The following PGR variants were observed in gnomAD, a reference collection of about 807,000 sequenced individuals.
PGR encodes the protein nuclear receptor subfamily 3 group C member 3.
PGR carries 25 observed loss-of-function variants against 76.1 expected under a neutral mutation model. The ratio of observed to expected loss-of-function variants is 0.33; its 90% CI spans 0.24 to 0.46. The LOEUF (loss-of-function observed/expected upper bound fraction) is 0.46, where lower values mean the gene tolerates loss of function less well. Ranked by LOEUF, PGR falls within the 20% of genes least tolerant of loss-of-function variation. The pLI is 1.00. For synonymous variants in PGR, 579 were observed against 535.0 expected, an observed-to-expected ratio of 1.08 and a Z score of -1.14; for missense variants, 1,172 against 1,225.3, an observed-to-expected ratio of 0.96 and a Z score of 0.65.
chr11:101,043,781 G>A (rs1001609313), intron 6 of PGR, among the ~76,000 whole-genome samples: 7 of 152,160 alleles, frequency 4.6e-5, no homozygotes, highest in Non-Finnish European at 1.5e-5. Flanking sequence ...TTGTCAATGA[G>A]CAATAATATT....
chr11:101,127,213 A>G (rs940094303), intron 1 of PGR: 1 of 378,222 alleles, frequency 2.6e-6, no homozygotes, highest in East Asian at 3.9e-5. Context: ...CGCCCCAAAA[A>G]TAGTATATTC....
chr11:101,128,267 G>C lies in PGR; in HGVS notation c.804C>G (p.Val268=), dbSNP rs186653307. 2 of 1,592,102 alleles carry C rather than the reference G, an allele frequency of 1.3e-6. No homozygotes were observed. The highest frequency in any genetic ancestry group is 3.4e-5 in the Admixed American group (2 of 58,946). ...PGAAAGGVAL[V]PKEDSRFSAP... Reference sequence around the variant, plus strand: ...CTGAGAAGCGGGAATCTTCCTTGGGGACCAGGGCGACGCCTCCTGCTGCCG... The same window carrying C: ...CTGAGAAGCGGGAATCTTCCTTGGGCACCAGGGCGACGCCTCCTGCTGCCG... The change falls in exon 1 of 8, where the codon GTC becomes GTG. Residue 268 remains valine (V), a synonymous_variant. Coordinates refer to ENST00000325455, the MANE Select transcript of PGR (RefSeq NM_000926.4).
chr11:101,054,360 A>G (rs1860213609), intron 4 of PGR, among the ~76,000 whole-genome samples: 1 of 152,100 alleles, frequency 6.6e-6, no homozygotes, highest in Non-Finnish European at 1.5e-5. Flanking sequence ...AAGTTTTATC[A>G]TTTTTTAATT....
At chr11:101,065,783 T>TGA (rs1860692011) in intron 3 of PGR, among the ~76,000 whole-genome samples, 2 of 150,104 alleles carry the variant, frequency 1.3e-5, no homozygotes, top group Non-Finnish European at 3.0e-5. Context: ...ACGCTGGGGG[T>TGA]GAGCAAGGGG....
At position 101,038,505 on chromosome 11, in the gene PGR, A is replaced by G. The variant is rs1211317931; in HGVS notation, c.*611T>C. The stretch of plus-strand genomic sequence containing the variant: ...ACTTCCTAAGAGATTTGTGTTTCCA[A>G]TCTGGAAAATGGTCTTAACATATGA... On this transcript the variant is annotated 3_prime_UTR_variant, in exon 8 of 8. Transcript: ENST00000325455. The G allele has an allele frequency of 8.8e-6, 2 of 228,366 alleles. No homozygotes were observed. The highest frequency in any genetic ancestry group is 4.4e-5 in the African/African-American group (2 of 45,070). The allele number at this position is 228,366 out of a possible 1,614,324, so 14.1% of individuals were successfully genotyped here. A position where few individuals can be genotyped will look rare whatever the true frequency, so the allele number is the denominator to read the frequency against.
intron 1 of PGR, 108 bp downstream of exon 1, chr11:101,127,326 G>A: frequency 3.7e-6 from 3 of 806,732 alleles, no homozygotes; most frequent in Non-Finnish European, 5.4e-6. Flanking sequence ...CGGCCGCCCC[G>A]GGGAGCGCAG....
At chr11:101,079,744 A>G (rs1445639412) in intron 3 of PGR, among the ~76,000 whole-genome samples, 1 of 152,240 alleles carries the variant, frequency 6.6e-6, no homozygotes, top group African/African-American at 2.4e-5. Flanking sequence ...TGATGCAGCA[A>G]TCCTACTGTT....
chr11:101,056,509 G>C (rs1860296710), intron 4 of PGR, among the ~76,000 whole-genome samples: 1 of 151,934 alleles, frequency 6.6e-6, no homozygotes, highest in Non-Finnish European at 1.5e-5. Context: ...CACACCTGTA[G>C]TGCTGGGGAG....
chr11:101,068,558 C>T (rs1247471724), intron 3 of PGR, among the ~76,000 whole-genome samples: 1 of 151,996 alleles, frequency 6.6e-6, no homozygotes, highest in Non-Finnish European at 1.5e-5. Flanking sequence ...CCTGTATAGC[C>T]AAGACATCCT....
Position 101,080,058 on chromosome 11 carries a change from T to A in PGR, c.1906+11702A>T, listed in dbSNP as rs1351027924. On this transcript the variant is annotated intron_variant, in intron 3 of 7. Coordinates refer to ENST00000325455, the MANE Select transcript of PGR (RefSeq NM_000926.4). ...CCACTGGATTCTTCCTTGGCACTGG[T>A]GCTTGTGCTTGCCATCAGGGGACGC... is the stretch of plus-strand genomic sequence containing the variant. 2.6e-5 allele frequency among the ~76,000 whole-genome samples: 4 copies of A among 152,332 alleles called. No individual in the cohort carries two copies. In the East Asian group the frequency reaches 7.7e-4, roughly 29 times the overall value.
chr11:101,055,140 C>T (rs757721604), intron 4 of PGR, among the ~76,000 whole-genome samples: 29 of 151,734 alleles, frequency 1.9e-4, no homozygotes, highest in Admixed American at 2.6e-4. Context: ...ATGGGCTGGG[C>T]GCAGTGGCTC....
At chr11:101,071,342 A>C (rs1457444866) in intron 3 of PGR, among the ~76,000 whole-genome samples, 1 of 152,204 alleles carries the variant, frequency 6.6e-6, no homozygotes, top group East Asian at 1.9e-4. Flanking sequence ...CAAAGACCAA[A>C]GGTAGATAAA....
intron 2 of PGR, among the ~76,000 whole-genome samples, chr11:101,104,822 T>A (rs546032808): frequency 1.3e-5 from 2 of 152,352 alleles, no homozygotes; most frequent in South Asian, 4.1e-4. Flanking sequence ...TTTAGGCATA[T>A]TTTTCCTAAG....
intron 2 of PGR, among the ~76,000 whole-genome samples, chr11:101,115,199 AG>A (rs1241896510): frequency 6.6e-6 from 1 of 152,138 alleles, no homozygotes; most frequent in Non-Finnish European, 1.5e-5. Flanking sequence ...TGTTTACAAA[AG>A]CCATTACAAT....
rs142018453 is a variant in PGR at position 101,079,383 on chromosome 11, G to A, written c.1906+12377C>T. Among the ~76,000 whole-genome samples, 390 of 151,654 alleles carry A rather than the reference G, an allele frequency of 2.6e-3. 2 individuals carry two copies. The highest frequency in any genetic ancestry group is 8.5e-3 in the African/African-American group (350 of 41,358). ...TTGAAAACTATTCATCTGACAAGGA[G>A]TTAATTATCAGAATATATAAGGAAC... On this transcript the variant is annotated intron_variant, in intron 3 of 7. Transcript: ENST00000325455.
intron 6 of PGR, among the ~76,000 whole-genome samples, chr11:101,047,273 A>G (rs550615133): frequency 6.6e-6 from 1 of 152,288 alleles, no homozygotes; most frequent in Non-Finnish European, 1.5e-5. Context: ...CCATAAATAG[A>G]GAATTATGTT....
intron 3 of PGR, among the ~76,000 whole-genome samples, chr11:101,082,505 G>C (rs1591398047): frequency 6.6e-6 from 1 of 152,200 alleles, no homozygotes; most frequent in African/African-American, 2.4e-5. Flanking sequence ...TGACCAAAAT[G>C]CTGATAGTGA....
At chr11:101,085,952 T>TA (rs1861485997) in intron 3 of PGR, among the ~76,000 whole-genome samples, 1 of 152,002 alleles carries the variant, frequency 6.6e-6, no homozygotes, top group South Asian at 2.1e-4. Context: ...GAATTAGTAA[T>TA]AAAAAACTTA....
chr11:101,061,430 T>C (rs146537662), intron 4 of PGR, among the ~76,000 whole-genome samples: 30 of 152,314 alleles, frequency 2.0e-4, no homozygotes, highest in African/African-American at 6.7e-4. Context: ...TTTCATGTAA[T>C]TGAATTTTCA....
Sources: allele counts gnomAD v4.1 joint callset (sites outside exome capture counted in the v4.1 genomes callset), GRCh38; gene constraint gnomAD v4.1.1; transcripts MANE v1.5; gene names NCBI Gene and HGNC (gene_info 2026-07-23, HGNC 2026-07-21).